Variants in SUMF1 observed in about 807,000 individuals in gnomAD.
The protein encoded by SUMF1 is sulfatase modifying factor 1.
A neutral mutation model predicts 47.6 loss-of-function variants in SUMF1; 48 were observed. The ratio of observed to expected loss-of-function variants is 1.01; its 90% CI spans 0.80 to 1.28. SUMF1 has a LOEUF of 1.28. Ranked by LOEUF, SUMF1 falls within the 50% of genes most tolerant of loss-of-function variation. SUMF1 has a pLI of 0.00. For synonymous variants in SUMF1, 230 were observed against 192.1 expected, an observed-to-expected ratio of 1.20 and a Z score of -1.63; for missense variants, 571 against 485.4, an observed-to-expected ratio of 1.18 and a Z score of -1.66.
chr3:4,108,244 G>A (rs1473108915), intron 8 of SUMF1, among the ~76,000 whole-genome samples: 1 of 152,130 alleles, frequency 6.6e-6, no homozygotes, highest in Non-Finnish European at 1.5e-5. Flanking sequence ...TTTTGAGTGA[G>A]TTTCTTAATC....
rs114944506 is a variant in SUMF1, at chr3:4,088,778, G to A, written c.1015-20033C>T. 6.7e-3 allele frequency among the ~76,000 whole-genome samples: 1,025 copies of A among 152,038 alleles called. 15 individuals carry two copies. The highest frequency in any genetic ancestry group is 0.023 in the African/African-American group (968 of 41,422). On this transcript the variant is annotated intron_variant and NMD_transcript_variant, in intron 8 of 12. Coordinates refer to the SUMF1 transcript ENST00000448413. ...ACTGAAGAGAATTTAAGATGCACAC[G>A]TCTCTGATTGGCCATCCCGATCAAT...
chr3:4,213,918 T>C (rs1191376543), intron 8 of SUMF1, among the ~76,000 whole-genome samples: 1 of 152,120 alleles, frequency 6.6e-6, no homozygotes, highest in Non-Finnish European at 1.5e-5. Flanking sequence ...AGCAAGTTCT[T>C]AGAGACCTAC....
intron 3 of SUMF1, among the ~76,000 whole-genome samples, chr3:4,425,075 A>G (rs1702026368): frequency 6.6e-6 from 1 of 152,188 alleles, no homozygotes; most frequent in Non-Finnish European, 1.5e-5. Context: ...CTCTGAGGAG[A>G]GCAAATTATC....
intron 7 of SUMF1, among the ~76,000 whole-genome samples, chr3:4,392,648 T>C (rs1700910076): frequency 6.7e-6 from 1 of 150,018 alleles, no homozygotes; most frequent in Non-Finnish European, 1.5e-5. Context: ...TATCTACCTA[T>C]ATATATAAAG....
intron 7 of SUMF1, among the ~76,000 whole-genome samples, chr3:4,377,190 A>T (rs1360050653): frequency 2.0e-5 from 3 of 152,202 alleles, no homozygotes; most frequent in Non-Finnish European, 4.4e-5. Context: ...GCCTTAAAAA[A>T]ATTTAGGTGT....
At chr3:4,366,744 T>C (rs998879088) in intron 8 of SUMF1, among the ~76,000 whole-genome samples, 2 of 152,240 alleles carry the variant, frequency 1.3e-5, no homozygotes, top group Admixed American at 1.3e-4. Context: ...TCCAGCTTTG[T>C]TCCATTGCTG....
At chr3:4,187,129 AGAGGCTG>A (rs1695216492) in intron 8 of SUMF1, among the ~76,000 whole-genome samples, 1 of 152,096 alleles carries the variant, frequency 6.6e-6, no homozygotes, top group Admixed American at 6.6e-5. Context: ...CAGCACTTTG[AGAGGCTG>A]AGGTGGGAGG....
intron 9 of SUMF1, among the ~76,000 whole-genome samples, chr3:4,059,406 C>T (rs147707173): frequency 3.3e-5 from 5 of 152,246 alleles, no homozygotes; most frequent in African/African-American, 1.2e-4. Flanking sequence ...GAATTGAAAA[C>T]TTAAATCCTC....
chr3:4,254,018 A>T (rs313665), intron 8 of SUMF1, among the ~76,000 whole-genome samples: 6 of 150,094 alleles, frequency 4.0e-5, no homozygotes, highest in South Asian at 4.3e-4. Flanking sequence ...CACCACACAC[A>T]GCAGGGTATT....
chr3:4,216,114 G>A (rs758838453), intron 8 of SUMF1, among the ~76,000 whole-genome samples: 26 of 152,144 alleles, frequency 1.7e-4, no homozygotes, highest in Non-Finnish European at 3.2e-4. Context: ...CAAAGCTGGA[G>A]GCATCATGTT....
intron 9 of SUMF1, among the ~76,000 whole-genome samples, chr3:4,060,539 G>A (rs1695260581): frequency 6.6e-6 from 1 of 152,152 alleles, no homozygotes; most frequent in African/African-American, 2.4e-5. Context: ...AACACCCCCA[G>A]CAGAGTCTTG....
chr3:4,112,199 A>G (rs1693323489), intron 8 of SUMF1, among the ~76,000 whole-genome samples: 2 of 152,170 alleles, frequency 1.3e-5, no homozygotes, highest in Non-Finnish European at 2.9e-5. Flanking sequence ...CAAAGAACCA[A>G]TCTACTGAGG....
At chr3:4,301,829 C>T (rs1697974277) in intron 8 of SUMF1, among the ~76,000 whole-genome samples, 1 of 152,294 alleles carries the variant, frequency 6.6e-6, no homozygotes, top group Admixed American at 6.5e-5. Context: ...GCTGAATATG[C>T]GTAACTGGAT....
At chr3:4,216,625 A>G (rs576879880) in intron 8 of SUMF1, among the ~76,000 whole-genome samples, 1 of 150,130 alleles carries the variant, frequency 6.7e-6, no homozygotes, top group Admixed American at 6.6e-5. Flanking sequence ...TGGGAGAAAA[A>G]AGGGCCAATA....
At chr3:4,192,476 C>T (rs751856894) in intron 8 of SUMF1, among the ~76,000 whole-genome samples, 5 of 151,880 alleles carry the variant, frequency 3.3e-5, no homozygotes, top group African/African-American at 1.2e-4. Context: ...TATATACACA[C>T]AAACATACAT....
intron 8 of SUMF1, among the ~76,000 whole-genome samples, chr3:4,078,946 A>C (rs1321685570): frequency 1.3e-5 from 2 of 152,230 alleles, no homozygotes; most frequent in African/African-American, 4.8e-5. Flanking sequence ...AAGTCGCTGC[A>C]GAAGGTGTCC....
intron 3 of SUMF1, among the ~76,000 whole-genome samples, chr3:4,428,262 T>C (rs866133423): frequency 1.3e-5 from 2 of 152,190 alleles, no homozygotes; most frequent in Non-Finnish European, 1.5e-5. Flanking sequence ...CATACCCACA[T>C]ATCCCAAGAA....
intron 8 of SUMF1, chr3:4,316,068 A>T: frequency 2.0e-6 from 1 of 489,140 alleles, no homozygotes; most frequent in Non-Finnish European, 3.6e-6. Flanking sequence ...AAAAAAAAAA[A>T]GTAACAGTTT....
chr3:4,382,534 C>A (rs1700538939), intron 7 of SUMF1, among the ~76,000 whole-genome samples: 1 of 152,032 alleles, frequency 6.6e-6, no homozygotes, highest in South Asian at 2.1e-4. Flanking sequence ...GATCTAGAAC[C>A]AGAAATACCA....
Sources: allele counts gnomAD v4.1 joint callset (sites outside exome capture counted in the v4.1 genomes callset), GRCh38; gene constraint gnomAD v4.1.1; transcripts MANE v1.5; gene names NCBI Gene and HGNC (gene_info 2026-07-23, HGNC 2026-07-21).